Variants in PLCH2 observed in about 807,000 individuals in gnomAD.
The protein encoded by PLCH2 is 1-phosphatidylinositol 4,5-bisphosphate phosphodiesterase eta-2.
PLCH2 carries 98 observed loss-of-function variants against 134.7 expected under a neutral mutation model. The ratio of observed to expected loss-of-function variants is 0.73; its 90% CI spans 0.62 to 0.86. The LOEUF is 0.86. PLCH2 is among the 40% of genes least tolerant of loss of function. The pLI, the probability that PLCH2 is intolerant of heterozygous loss-of-function variation, is 0.00. For missense variants in PLCH2, 1,994 were observed against 1,986.6 expected (o/e 1.00, Z -0.07); for synonymous variants, 974 against 827.5 (o/e 1.18, Z -3.04).
At chr1:2,502,711 G>A (rs1313055964) in intron 21 of PLCH2, 1 of 713,928 alleles carries the variant, frequency 1.4e-6, no homozygotes, top group Non-Finnish European at 2.6e-6. Context: ...AGGGTCCTGG[G>A]GCCTGGAGGC....
intron 2 of PLCH2, among the ~76,000 whole-genome samples, chr1:2,446,610 C>T (rs1014524424): frequency 2.0e-5 from 3 of 152,258 alleles, no homozygotes; most frequent in African/African-American, 7.2e-5. Context: ...ATGTCTCCGG[C>T]GGCAGCAGCT....
In PLCH2 at chr1:2,505,282, A is replaced by T. The variant is rs946873014; in HGVS notation, c.*69A>T. ...GGGGTGGGCGTGTTGTTTGCTCAGG[A>T]AACAGGGCAGCCAGGCCCCCAAAAC... On this transcript the variant is annotated 3_prime_UTR_variant, in exon 22 of 22. Transcript: ENST00000378486. 9.4e-6 allele frequency: 12 copies of T among 1,274,794 alleles called. No individual in the cohort carries two copies. Among genetic ancestry groups the T allele is most frequent in the Middle Eastern group, 5.3e-4 (2 of 3,776 alleles). 79.0% of individuals were successfully genotyped at this position (1,274,794 alleles called of 1,614,324 possible).
chr1:2,457,803 G>A (rs1304596257), intron 2 of PLCH2, among the ~76,000 whole-genome samples: 4 of 151,858 alleles, frequency 2.6e-5, no homozygotes, highest in African/African-American at 7.3e-5. Context: ...GGCGCGTGCT[G>A]GGAGCGGCTC....
chr1:2,491,406 G>A, intron 11 of PLCH2, 71 bp downstream of exon 11: 1 of 1,543,892 alleles, frequency 6.5e-7, no homozygotes, highest in Non-Finnish European at 8.8e-7. Flanking sequence ...GGCCAGCCAG[G>A]GCCCCCGAAC....
intron 14 of PLCH2, 29 bp downstream of exon 14, chr1:2,496,733 G>A: frequency 6.2e-7 from 1 of 1,609,262 alleles, no homozygotes; most frequent in Non-Finnish European, 8.5e-7. Flanking sequence ...TGGGGCCACG[G>A]GCGGAGGCCT....
intron 2 of PLCH2, among the ~76,000 whole-genome samples, chr1:2,457,776 C>T (rs1046136046): frequency 2.6e-5 from 4 of 151,946 alleles, no homozygotes; most frequent in African/African-American, 9.7e-5. Flanking sequence ...GGAACATGAA[C>T]CATCCCGGTC....
At chr1:2,427,013 G>A (rs1328359458) in intron 1 of PLCH2, among the ~76,000 whole-genome samples, 1 of 152,224 alleles carries the variant, frequency 6.6e-6, no homozygotes, top group Non-Finnish European at 1.5e-5. Context: ...TGGCAGAGTG[G>A]CAGAGGCCCA....
upstream of PLCH2, among the ~76,000 whole-genome samples, chr1:2,474,896 C>G (rs762357120): frequency 6.0e-4 from 92 of 152,298 alleles, no homozygotes; most frequent in Non-Finnish European, 6.5e-4. Flanking sequence ...CTGCGCTGCC[C>G]CTTACACGGT....
chr1:2,458,603 A>G (rs1640615422), intron 2 of PLCH2, among the ~76,000 whole-genome samples: 1 of 151,950 alleles, frequency 6.6e-6, no homozygotes, highest in Non-Finnish European at 1.5e-5. Flanking sequence ...GGGCCTGGGG[A>G]GAAGCTGGGC....
rs764171336 is a variant in PLCH2, at chr1:2,502,349, G to A, written c.2899G>A (p.Gly967Arg). Residue 967 changes from glycine to arginine, a missense_variant, in exon 21 of 22, where the codon GGG (glycine) becomes AGG (arginine). Physicochemically the swap from Gly to Arg is moderately radical, Grantham distance 125. This residue lies in a region of PLCH2 where 900 missense variants were observed against 752.3 expected (regional missense o/e 1.20). Transcript: ENST00000378486. Reference protein sequence around the residue: ...KGVADDVVPPGPGPAPEAPAQ... With the variant: ...KGVADDVVPPRPGPAPEAPAQ... ...GGTGGCAGACGATGTGGTGCCCCCC[G>A]GGCCCGGACCTGCTCCGGAAGCCCC... The A allele has an allele frequency of 3.0e-5, 46 of 1,538,080 alleles. 1 individual carries two copies. The South Asian group carries it at 4.6e-4, about 15-fold the overall frequency.
upstream of PLCH2, among the ~76,000 whole-genome samples, chr1:2,466,616 T>G (rs915806467): frequency 2.0e-5 from 3 of 152,214 alleles, no homozygotes; most frequent in Non-Finnish European, 4.4e-5. Context: ...CATCCGGGGC[T>G]CAGTGTCCAC....
At chr1:2,450,808 G>A (rs993042578) in intron 2 of PLCH2, among the ~76,000 whole-genome samples, 1 of 143,902 alleles carries the variant, frequency 6.9e-6, no homozygotes, top group African/African-American at 2.6e-5. Context: ...GGCCAAGCAC[G>A]TGGGACCCCA....
intron 2 of PLCH2, among the ~76,000 whole-genome samples, chr1:2,462,296 C>A (rs1570345457): frequency 7.6e-6 from 1 of 130,940 alleles, no homozygotes; most frequent in East Asian, 2.3e-4. Flanking sequence ...CCACCTGACA[C>A]CCCTCTGCCT....
At position 2,477,032 on chromosome 1, in the gene PLCH2, G is replaced by A. The variant is rs115996655; in HGVS notation, c.124+320G>A. On this transcript the variant is annotated intron_variant, in intron 1 of 21. Coordinates refer to ENST00000378486, the MANE Select transcript of PLCH2 (RefSeq NM_014638.4). ...TGAAGGGGTGCCTTGTGCTCTGGGGGTCAGTGGTGCTTGCAGCCCAGGCGG... is the reference window on the plus strand; with the variant it reads ...TGAAGGGGTGCCTTGTGCTCTGGGGATCAGTGGTGCTTGCAGCCCAGGCGG... 7.3e-3 allele frequency among the ~76,000 whole-genome samples: 1,114 copies of A among 152,312 alleles called. 2 individuals are homozygous for A. Among genetic ancestry groups the A allele is most frequent in the East Asian group, 0.017 (89 of 5,188 alleles).
At chr1:2,477,332 A>T (rs541866872) in intron 1 of PLCH2, among the ~76,000 whole-genome samples, 1 of 151,452 alleles carries the variant, frequency 6.6e-6, no homozygotes, top group African/African-American at 2.4e-5. Context: ...TTCACCTCCC[A>T]TGTGCCCCGG....
At chr1:2,477,993 T>C (rs1325109991) in intron 1 of PLCH2, among the ~76,000 whole-genome samples, 1 of 152,188 alleles carries the variant, frequency 6.6e-6, no homozygotes, top group Non-Finnish European at 1.5e-5. Flanking sequence ...GGGCCTCCAC[T>C]GCACTATGGC....
intron 2 of PLCH2, among the ~76,000 whole-genome samples, chr1:2,441,213 C>T (rs1441715933): frequency 6.6e-6 from 1 of 152,172 alleles, no homozygotes; most frequent in Non-Finnish European, 1.5e-5. Flanking sequence ...GGAGAGAGCC[C>T]CCCTGGCAGC....
intron 20 of PLCH2, 25 bp downstream of exon 20, chr1:2,499,745 C>G: frequency 6.5e-7 from 1 of 1,530,966 alleles, no homozygotes; most frequent in Non-Finnish European, 8.9e-7. Context: ...CTGCCACCAG[C>G]CATCATGGGG....
intron 2 of PLCH2, among the ~76,000 whole-genome samples, chr1:2,431,679 CG>C (rs1557937398): frequency 6.6e-6 from 1 of 152,130 alleles, no homozygotes; most frequent in East Asian, 1.9e-4. Flanking sequence ...CCAGGGGCAA[CG>C]GTTCCCAGGA....
Sources: allele counts gnomAD v4.1 joint callset (sites outside exome capture counted in the v4.1 genomes callset), GRCh38; gene constraint gnomAD v4.1.1; regional missense constraint gnomAD v4.1.1; transcripts MANE v1.5; gene names NCBI Gene and HGNC (gene_info 2026-07-23, HGNC 2026-07-21).